The following IMMP1L variants were observed in gnomAD, a reference collection of about 807,000 sequenced individuals.
IMMP1L encodes inner mitochondrial membrane peptidase subunit 1, also known as mitochondrial inner membrane protease subunit 1.
Under a neutral mutation model 21.8 loss-of-function variants are expected in IMMP1L, and 24 were observed. The observed-to-expected ratio is 1.10, with a 90% CI of 0.80 to 1.55. The LOEUF (loss-of-function observed/expected upper bound fraction) is 1.55, where lower values mean the gene tolerates loss of function less well. Ranked by LOEUF, IMMP1L falls within the 40% of genes most tolerant of loss-of-function variation. The probability of loss-of-function intolerance (pLI) is 0.00; values close to 1 mark genes in which losing one functional copy is unlikely to be tolerated. For missense variants in IMMP1L, 195 were observed against 200.7 expected (o/e 0.97, Z 0.17); for synonymous variants, 46 against 62.8 (o/e 0.73, Z 1.26).
chr11:31,470,988 G>A (rs1954529384), intron 1 of IMMP1L, among the ~76,000 whole-genome samples: 1 of 152,158 alleles, frequency 6.6e-6, no homozygotes, highest in African/African-American at 2.4e-5. Flanking sequence ...ATGATAAGGA[G>A]GGACTGGCTA....
chr11:31,459,890 C>T (rs1017829739), intron 3 of IMMP1L, among the ~76,000 whole-genome samples: 3 of 152,146 alleles, frequency 2.0e-5, no homozygotes, highest in Admixed American at 6.5e-5. Flanking sequence ...GGCACGGTGG[C>T]TCACACCTGT....
chr11:31,461,561 G>T (rs777310711), intron 2 of IMMP1L, among the ~76,000 whole-genome samples: 1 of 152,126 alleles, frequency 6.6e-6, no homozygotes, highest in Non-Finnish European at 1.5e-5. Flanking sequence ...ACCACAAATG[G>T]TAAATTCCAT....
chr11:31,482,714 CAT>C (rs932248743), intron 1 of IMMP1L, among the ~76,000 whole-genome samples: 3 of 151,922 alleles, frequency 2.0e-5, no homozygotes, highest in Non-Finnish European at 4.4e-5. Flanking sequence ...GTGTTGGAAA[CAT>C]GTGGAGCAAC....
At chr11:31,470,297 C>G (rs894859432) in intron 1 of IMMP1L, among the ~76,000 whole-genome samples, 1 of 152,040 alleles carries the variant, frequency 6.6e-6, no homozygotes, top group Non-Finnish European at 1.5e-5. Flanking sequence ...CCTGTAATCC[C>G]AGGTGCTCAG....
chr11:31,457,457 T>G (rs1441671234), intron 3 of IMMP1L, among the ~76,000 whole-genome samples: 1 of 152,198 alleles, frequency 6.6e-6, no homozygotes, highest in Non-Finnish European at 1.5e-5. Flanking sequence ...TTTAAAAGGA[T>G]TTAACATATT....
chr11:31,488,059 T>C (rs1955140869), intron 1 of IMMP1L: 1 of 151,960 alleles, frequency 6.6e-6, no homozygotes, highest in Non-Finnish European at 1.5e-5. Context: ...GGAGCAGCAT[T>C]ACAACAGTCA....
At position 31,456,373 on chromosome 11, in the gene IMMP1L, T is replaced by C; in HGVS notation, c.208A>G (p.Ile70Val). The change falls in exon 4 of 6, where the codon ATT becomes GTT. Residue 70 changes from isoleucine (I) to valine (V), a missense_variant. Physicochemically the swap from Ile to Val is conservative, Grantham distance 29. Coordinates refer to ENST00000532287, the MANE Select transcript of IMMP1L (RefSeq NM_001304274.2). ...FYGIQRGDIVIAKSPSDPKSN... is the reference protein window; with the variant it reads ...FYGIQRGDIVVAKSPSDPKSN... The stretch of plus-strand genomic sequence containing the variant: ...TTTGGATCACTTGGGCTTTTTGCAA[T>C]CACAATGTCACCTCTGAGGGGGAAA... 6.2e-7 allele frequency: 1 copy of C among 1,611,486 alleles called. No homozygotes were observed. The highest frequency in any genetic ancestry group is 8.5e-7 in the Non-Finnish European group (1 of 1,178,186).
chr11:31,449,171 A>G (rs914737040), intron 4 of IMMP1L: 3 of 707,234 alleles, frequency 4.2e-6, no homozygotes, highest in Non-Finnish European at 5.2e-6. Context: ...TTTAAATGAC[A>G]TAAGGATTTA....
At chr11:31,493,893 G>T (rs1327292714) in intron 1 of IMMP1L, among the ~76,000 whole-genome samples, 1 of 152,238 alleles carries the variant, frequency 6.6e-6, no homozygotes. Context: ...AGGTCACACT[G>T]ATGCAAGAGG....
At chr11:31,499,080 G>A (rs964415437) in intron 1 of IMMP1L, among the ~76,000 whole-genome samples, 1 of 151,938 alleles carries the variant, frequency 6.6e-6, no homozygotes, top group Non-Finnish European at 1.5e-5. Flanking sequence ...AAAACTACAC[G>A]GAGGGCCGGG....
chr11:31,477,586 G>T (rs1327258408), intron 1 of IMMP1L: 1 of 979,640 alleles, frequency 1.0e-6, no homozygotes, highest in Non-Finnish European at 1.2e-6. Context: ...ACATCCAAGA[G>T]ATGGGAAAGG....
intron 1 of IMMP1L, among the ~76,000 whole-genome samples, chr11:31,484,245 TTTC>T (rs1338673473): frequency 1.3e-5 from 2 of 151,954 alleles, no homozygotes; most frequent in Non-Finnish European, 2.9e-5. Flanking sequence ...TCTTCCCTGT[TTTC>T]TTCTTCATCC....
chr11:31,501,566 G>C (rs1955618829), intron 1 of IMMP1L, among the ~76,000 whole-genome samples: 1 of 152,058 alleles, frequency 6.6e-6, no homozygotes, highest in Non-Finnish European at 1.5e-5. Flanking sequence ...CCCAGTCTCA[G>C]GTATTCTGTT....
At chr11:31,474,167 C>T (rs958300789) in intron 1 of IMMP1L, among the ~76,000 whole-genome samples, 22 of 152,166 alleles carry the variant, frequency 1.4e-4, no homozygotes, top group African/African-American at 5.1e-4. Context: ...TGTTCAAAGT[C>T]AAGAATACTT....
At chr11:31,445,290 C>T (rs543831241) in intron 4 of IMMP1L, among the ~76,000 whole-genome samples, 1 of 152,212 alleles carries the variant, frequency 6.6e-6, no homozygotes, top group African/African-American at 2.4e-5. Flanking sequence ...CATGTTTCCA[C>T]CAAAAGTTTT....
At chr11:31,452,156 A>G (rs1313039459) in intron 4 of IMMP1L, 7 of 885,944 alleles carry the variant, frequency 7.9e-6, no homozygotes, top group Non-Finnish European at 8.1e-6. Flanking sequence ...AACTATACAC[A>G]ACTCTTCCCT....
intron 4 of IMMP1L, chr11:31,433,844 A>T (rs1236938927): frequency 3.8e-6 from 1 of 260,408 alleles, no homozygotes; most frequent in Non-Finnish European, 7.3e-6. Context: ...CTGAGGTTAT[A>T]AGAGATCAAA....
chr11:31,502,922 T>G (rs994496680), intron 1 of IMMP1L, among the ~76,000 whole-genome samples: 4 of 152,226 alleles, frequency 2.6e-5, no homozygotes, highest in African/African-American at 9.6e-5. Context: ...CAGATTTACT[T>G]GACAAATCTC....
chr11:31,450,686 T>C (rs1318679612), intron 4 of IMMP1L, among the ~76,000 whole-genome samples: 1 of 152,130 alleles, frequency 6.6e-6, no homozygotes, highest in East Asian at 1.9e-4. Context: ...GACCACAGAT[T>C]GGGCAGTTCA....
Sources: gnomAD v4.1 joint callset for allele counts (sites outside exome capture counted in the v4.1 genomes callset) on GRCh38, gnomAD v4.1.1 for gene constraint, MANE v1.5 for transcripts, NCBI Gene and HGNC (gene_info 2026-07-23, HGNC 2026-07-21) for gene names.